ASTN2: variants seen among roughly 807,000 people sequenced by gnomAD.
The protein encoded by ASTN2 is astrotactin 2, also known as astrotactin-2.
In ASTN2, 54 loss-of-function variants were observed where a neutral mutation model predicts 139.8. The ratio of observed to expected loss-of-function variants is 0.39; its 90% CI spans 0.31 to 0.48. The LOEUF is 0.48. Ranked by LOEUF, ASTN2 falls within the 20% of genes least tolerant of loss-of-function variation. ASTN2 has a pLI of 0.95. For missense variants in ASTN2, 1,565 were observed against 1,725.1 expected (o/e 0.91, Z 1.64); for synonymous variants, 756 against 719.5 (o/e 1.05, Z -0.81).
intron 2 of ASTN2, among the ~76,000 whole-genome samples, chr9:117,248,807 A>G (rs1334184855): frequency 6.6e-6 from 1 of 152,216 alleles, no homozygotes; most frequent in African/African-American, 2.4e-5. Context: ...CCAATCATCT[A>G]CTTTTAAATA....
At chr9:117,382,715 A>T (rs1275481809) in intron 1 of ASTN2, among the ~76,000 whole-genome samples, 3 of 152,160 alleles carry the variant, frequency 2.0e-5, no homozygotes, top group Non-Finnish European at 4.4e-5. Flanking sequence ...CCAGCAGGAA[A>T]ATAGACCACG....
At chr9:117,289,507 A>G (rs1834532608) in intron 2 of ASTN2, among the ~76,000 whole-genome samples, 1 of 152,238 alleles carries the variant, frequency 6.6e-6, no homozygotes, top group Non-Finnish European at 1.5e-5. Flanking sequence ...CTCATTTATA[A>G]TTGAGATAAT....
chr9:116,487,256 A>G, intron 20 of ASTN2, 103 bp downstream of exon 20: 1 of 1,427,340 alleles, frequency 7.0e-7, no homozygotes, highest in Non-Finnish European at 9.5e-7. Flanking sequence ...AGGCTAGCTA[A>G]TAAAACATTT....
chr9:117,369,057 A>C (rs1829923932), intron 1 of ASTN2, among the ~76,000 whole-genome samples: 1 of 152,204 alleles, frequency 6.6e-6, no homozygotes, highest in Non-Finnish European at 1.5e-5. Flanking sequence ...ACTTGCCAAC[A>C]AAAGCACAGG....
intron 13 of ASTN2, among the ~76,000 whole-genome samples, chr9:116,759,418 C>T (rs1829618734): frequency 6.6e-6 from 1 of 152,164 alleles, no homozygotes; most frequent in South Asian, 2.1e-4. Context: ...TATGAGGGCT[C>T]TGAGATTTGC....
intron 2 of ASTN2, among the ~76,000 whole-genome samples, chr9:117,237,782 G>A (rs954281342): frequency 2.6e-5 from 4 of 152,180 alleles, no homozygotes; most frequent in Non-Finnish European, 4.4e-5. Flanking sequence ...CTCAGCCGAG[G>A]TTGAGTTCTG....
intron 19 of ASTN2, among the ~76,000 whole-genome samples, chr9:116,512,842 C>A (rs1319198336): frequency 6.6e-6 from 1 of 151,976 alleles, no homozygotes; most frequent in Non-Finnish European, 1.5e-5. Flanking sequence ...TTTTTGTTTT[C>A]CATTTGCTTG....
chr9:116,583,588 A>C (rs1201175094), intron 19 of ASTN2: 1 of 152,148 alleles, frequency 6.6e-6, no homozygotes, highest in Non-Finnish European at 1.5e-5. Flanking sequence ...TTAAAAAAAA[A>C]AAAAAGTTTT....
At chr9:116,814,954 G>A (rs912027483) in intron 12 of ASTN2, among the ~76,000 whole-genome samples, 3 of 152,190 alleles carry the variant, frequency 2.0e-5, no homozygotes, top group African/African-American at 7.2e-5. Flanking sequence ...GAGAAAACAA[G>A]GTTATAATGT....
intron 10 of ASTN2, among the ~76,000 whole-genome samples, chr9:116,902,225 G>T (rs4623516): frequency 0.65 from 98,298 of 151,980 alleles, 34,839 homozygotes; most frequent in Non-Finnish European, 0.8. Flanking sequence ...GTGGAAGACA[G>T]TGATATTAAT....
At chr9:117,053,711 T>A (rs1228312184) in intron 5 of ASTN2, among the ~76,000 whole-genome samples, 4 of 152,088 alleles carry the variant, frequency 2.6e-5, no homozygotes, top group African/African-American at 9.7e-5. Context: ...GGACCCAAGG[T>A]TCTTGCTCAG....
intron 20 of ASTN2, among the ~76,000 whole-genome samples, chr9:116,477,673 C>T (rs1044059205): frequency 2.0e-5 from 3 of 151,452 alleles, no homozygotes; most frequent in Non-Finnish European, 2.9e-5. Context: ...GAGAAAGAGA[C>T]AGGGGTAGAG....
intron 17 of ASTN2, among the ~76,000 whole-genome samples, chr9:116,630,655 T>A (rs1279761535): frequency 6.6e-6 from 1 of 152,184 alleles, no homozygotes; most frequent in East Asian, 1.9e-4. Flanking sequence ...GCAATACTTT[T>A]TTGAATGAGA....
chr9:116,960,364 G>A (rs1037108071), intron 10 of ASTN2, among the ~76,000 whole-genome samples: 1 of 152,040 alleles, frequency 6.6e-6, no homozygotes, highest in Admixed American at 6.6e-5. Context: ...AGCTTTTTAT[G>A]CTTTAATTTG....
chr9:117,020,800 A>T (rs1177482213), intron 6 of ASTN2, among the ~76,000 whole-genome samples: 1 of 152,184 alleles, frequency 6.6e-6, no homozygotes, highest in Admixed American at 6.5e-5. Context: ...CTTAGCGTGC[A>T]ATCAGTAAAG....
intron 1 of ASTN2, among the ~76,000 whole-genome samples, chr9:117,410,460 A>G (rs935605127): frequency 6.6e-6 from 1 of 152,164 alleles, no homozygotes; most frequent in African/African-American, 2.4e-5. Flanking sequence ...AGAGTCATGG[A>G]GTAGGTCAGG....
At position 117,093,550 on chromosome 9, in the gene ASTN2, T is replaced by C. The variant is rs149189889; in HGVS notation, c.1276+2494A>G. On this transcript the variant is annotated intron_variant, in intron 5 of 22. Transcript: ENST00000313400. ...TCACCAAGGGCTCCTGGACCTCCCTTGGCTCACCTCTGTCCTGTGCCTTTT... is the reference window on the plus strand; with the variant it reads ...TCACCAAGGGCTCCTGGACCTCCCTCGGCTCACCTCTGTCCTGTGCCTTTT... Among the ~76,000 whole-genome samples, 5 of 152,308 alleles carry C rather than the reference T, an allele frequency of 3.3e-5. No homozygotes were observed. The East Asian group carries it at 7.7e-4, about 24-fold the overall frequency.
At chr9:116,911,212 C>A (rs1347150009) in intron 10 of ASTN2, among the ~76,000 whole-genome samples, 1 of 152,194 alleles carries the variant, frequency 6.6e-6, no homozygotes, top group African/African-American at 2.4e-5. Context: ...AGGATAAGAG[C>A]TTTCCATGCT....
intron 10 of ASTN2, among the ~76,000 whole-genome samples, chr9:116,937,560 T>A (rs1269543283): frequency 2.0e-5 from 3 of 152,158 alleles, no homozygotes; most frequent in Non-Finnish European, 4.4e-5. Context: ...GTCTGACACA[T>A]AATGAGTAGG....
Sources: gnomAD v4.1 joint callset for allele counts (sites outside exome capture counted in the v4.1 genomes callset) on GRCh38, gnomAD v4.1.1 for gene constraint, MANE v1.5 for transcripts, NCBI Gene and HGNC (gene_info 2026-07-23, HGNC 2026-07-21) for gene names.